The following MSI2 variants were observed in gnomAD, a reference collection of about 807,000 sequenced individuals.
MSI2 encodes musashi RNA binding protein 2.
In MSI2, 17 loss-of-function variants were observed where a neutral mutation model predicts 45.6. That is an observed-to-expected ratio of 0.37 (90% confidence interval 0.26 to 0.56). The LOEUF (loss-of-function observed/expected upper bound fraction) is 0.56. MSI2 is among the 20% of genes least tolerant of loss of function. The probability of loss-of-function intolerance (pLI) is 0.77; values close to 1 mark genes in which losing one functional copy is unlikely to be tolerated. For missense variants in MSI2, 293 were observed against 444.2 expected, an observed-to-expected ratio of 0.66 and a Z score of 3.06; for synonymous variants, 156 against 158.2, an observed-to-expected ratio of 0.99 and a Z score of 0.11.
chr17:57,303,602 A>G (rs1911606331), intron 5 of MSI2, among the ~76,000 whole-genome samples: 1 of 152,168 alleles, frequency 6.6e-6, no homozygotes, highest in Admixed American at 6.5e-5. Flanking sequence ...TATTATTATT[A>G]TTGTACAGGA....
intron 6 of MSI2, among the ~76,000 whole-genome samples, chr17:57,416,814 A>G (rs1880511080): frequency 6.6e-6 from 1 of 152,180 alleles, no homozygotes; most frequent in Non-Finnish European, 1.5e-5. Flanking sequence ...TCATGGGAAC[A>G]ACTGGAGGGG....
chr17:57,661,209 G>C (rs1024396429), intron 11 of MSI2, among the ~76,000 whole-genome samples: 1 of 152,114 alleles, frequency 6.6e-6, no homozygotes, highest in Non-Finnish European at 1.5e-5. Context: ...GCCTTTAGCC[G>C]ACTTCCAGTC....
intron 5 of MSI2, among the ~76,000 whole-genome samples, chr17:57,361,598 C>A (rs1438575873): frequency 7.5e-5 from 11 of 147,026 alleles, no homozygotes; most frequent in African/African-American, 2.8e-4. Context: ...CAGAGCAAGA[C>A]CTTGTCTCAA....
intron 11 of MSI2, among the ~76,000 whole-genome samples, chr17:57,671,831 C>T (rs1227336835): frequency 6.6e-6 from 1 of 152,234 alleles, no homozygotes; most frequent in Non-Finnish European, 1.5e-5. Context: ...CAGCCAGAGC[C>T]GTTGCTTTTT....
In MSI2 at chr17:57,419,109, T is replaced by A. The variant is rs555742866; in HGVS notation, c.405+17638T>A. ...TGTGAAATTAAATTGATGCCTTGAT[T>A]TCTGTATTCTCTAGTTAAGTGTTTC... On this transcript the variant is annotated intron_variant, in intron 6 of 13. Coordinates refer to ENST00000284073, the MANE Select transcript of MSI2 (RefSeq NM_138962.4). Among the ~76,000 whole-genome samples, 4 of 152,290 alleles carry A rather than the reference T, an allele frequency of 2.6e-5. No homozygotes were observed. The East Asian group carries it at 7.7e-4, about 29-fold the overall frequency.
At chr17:57,578,575 G>C (rs927609588) in intron 7 of MSI2, among the ~76,000 whole-genome samples, 1 of 151,980 alleles carries the variant, frequency 6.6e-6, no homozygotes, top group African/African-American at 2.4e-5. Flanking sequence ...GGAAGGGGAC[G>C]GGAGAAGGAT....
chr17:57,692,450 A>C, the MSI2 span, among the ~76,000 whole-genome samples: 1 of 152,172 alleles, frequency 6.6e-6, no homozygotes, highest in African/African-American at 2.4e-5. Context: ...ACAATCAATT[A>C]TGTTTTAGAG....
At chr17:57,356,094 C>T (rs547463390) in intron 5 of MSI2, among the ~76,000 whole-genome samples, 8 of 152,190 alleles carry the variant, frequency 5.3e-5, no homozygotes, top group East Asian at 1.9e-4. Flanking sequence ...AGGCTGGTCC[C>T]GAACTCCTGA....
intron 7 of MSI2, among the ~76,000 whole-genome samples, chr17:57,581,689 C>T (rs577379623): frequency 5.4e-4 from 82 of 152,274 alleles, no homozygotes; most frequent in Middle Eastern, 3.4e-3. Flanking sequence ...GCTCCAGATC[C>T]CCAGGGCTGC....
chr17:57,259,374 G>T lies in MSI2; in HGVS notation c.270+1020G>T, dbSNP rs139017649. Reference sequence around the variant, plus strand: ...AGTGAGCAAGACATTCCCTACCTCTGGGTCTCAATTTCCTCTTCTGTAAAA... The same window carrying T: ...AGTGAGCAAGACATTCCCTACCTCTTGGTCTCAATTTCCTCTTCTGTAAAA... On this transcript the variant is annotated intron_variant, in intron 4 of 13. Coordinates refer to ENST00000284073, the MANE Select transcript of MSI2 (RefSeq NM_138962.4). Among the ~76,000 whole-genome samples, 3 of 152,280 alleles carry T rather than the reference G, an allele frequency of 2.0e-5. No individual in the cohort carries two copies. The East Asian group carries it at 5.8e-4, about 29-fold the overall frequency.
chr17:57,307,853 C>T (rs1327192160), intron 5 of MSI2, among the ~76,000 whole-genome samples: 1 of 152,218 alleles, frequency 6.6e-6, no homozygotes, highest in Non-Finnish European at 1.5e-5. Context: ...CTGGAGAGTC[C>T]TGACTAATAC....
At chr17:57,465,485 C>T (rs1295133851) in intron 6 of MSI2, among the ~76,000 whole-genome samples, 2 of 152,134 alleles carry the variant, frequency 1.3e-5, no homozygotes, top group Non-Finnish European at 2.9e-5. Context: ...TGTTTTTTCG[C>T]CATGAAATAA....
At chr17:57,483,935 C>A (rs967217391) in intron 6 of MSI2, among the ~76,000 whole-genome samples, 7 of 152,136 alleles carry the variant, frequency 4.6e-5, no homozygotes, top group Admixed American at 4.6e-4. Context: ...AGGGGCAAAT[C>A]AAAAATGTAA....
At chr17:57,538,572 C>T (rs2086971858) in intron 7 of MSI2, among the ~76,000 whole-genome samples, 2 of 152,258 alleles carry the variant, frequency 1.3e-5, no homozygotes, top group South Asian at 2.1e-4. Context: ...CTCCCCACTC[C>T]CCGCAAGTGG....
At chr17:57,454,077 C>T (rs1374100869) in intron 6 of MSI2, among the ~76,000 whole-genome samples, 1 of 152,240 alleles carries the variant, frequency 6.6e-6, no homozygotes, top group East Asian at 1.9e-4. Flanking sequence ...GCAGAAGGCT[C>T]AGTGAAATAA....
chr17:57,645,853 G>T (rs754636362), intron 10 of MSI2, among the ~76,000 whole-genome samples: 5 of 152,184 alleles, frequency 3.3e-5, no homozygotes, highest in Non-Finnish European at 5.9e-5. Flanking sequence ...GAGCAACCAG[G>T]GTTGAGAATC....
intron 7 of MSI2, among the ~76,000 whole-genome samples, chr17:57,551,490 T>C (rs2087304072): frequency 6.6e-6 from 1 of 152,122 alleles, no homozygotes; most frequent in African/African-American, 2.4e-5. Flanking sequence ...GCTATTGGAT[T>C]GGAAATTGCT....
chr17:57,594,010 A>G (rs907883906), intron 7 of MSI2, among the ~76,000 whole-genome samples: 10 of 152,192 alleles, frequency 6.6e-5, no homozygotes, highest in Admixed American at 5.9e-4. Context: ...GAAGAGCGGA[A>G]TCAGTCTTGA....
chr17:57,610,222 G>A (rs1416234111), intron 8 of MSI2, among the ~76,000 whole-genome samples: 1 of 152,176 alleles, frequency 6.6e-6, no homozygotes, highest in Non-Finnish European at 1.5e-5. Flanking sequence ...GGAGGCTGAG[G>A]CGGGAAGATC....
Sources: allele counts gnomAD v4.1 joint callset (sites outside exome capture counted in the v4.1 genomes callset), GRCh38; gene constraint gnomAD v4.1.1; transcripts MANE v1.5; gene names NCBI Gene and HGNC (gene_info 2026-07-23, HGNC 2026-07-21).